The following LRRC4C variants were observed in gnomAD, a reference collection of about 807,000 sequenced individuals.
LRRC4C encodes leucine rich repeat containing 4C, also known as leucine-rich repeat-containing protein 4C.
A neutral mutation model predicts 33.6 loss-of-function variants in LRRC4C; 5 were observed. The ratio of observed to expected loss-of-function variants is 0.15; its 90% confidence interval spans 0.08 to 0.31. The LOEUF is 0.31. Ranked by LOEUF, LRRC4C falls within the 10% of genes least tolerant of loss-of-function variation. The pLI is 1.00. For missense variants in LRRC4C, 560 were observed against 796.7 expected (o/e 0.70, Z 3.58); for synonymous variants, 329 against 302.0 (o/e 1.09, Z -0.93).
intron 2 of LRRC4C, among the ~76,000 whole-genome samples, chr11:40,757,599 G>GTT (rs5791402): frequency 0.12 from 17,432 of 142,644 alleles, 1,385 homozygotes; most frequent in East Asian, 0.4. Context: ...CAAACTTTGA[G>GTT]TTTTTTTTTT....
chr11:41,176,879 T>A (rs1483292338), intron 1 of LRRC4C, among the ~76,000 whole-genome samples: 7 of 151,952 alleles, frequency 4.6e-5, no homozygotes, highest in Non-Finnish European at 8.8e-5. Flanking sequence ...GCAGAAGAAT[T>A]GCTTGAACCT....
chr11:41,304,673 G>C (rs1322735238), intron 1 of LRRC4C, among the ~76,000 whole-genome samples: 1 of 107,500 alleles, frequency 9.3e-6, no homozygotes, highest in African/African-American at 3.5e-5. Context: ...AGGGAGGTTG[G>C]GGGGTCAGCC....
At chr11:41,165,717 A>G (rs1944690552) in intron 1 of LRRC4C, among the ~76,000 whole-genome samples, 1 of 152,092 alleles carries the variant, frequency 6.6e-6, no homozygotes, top group African/African-American at 2.4e-5. Context: ...AGGAGAATGA[A>G]TATCTTCTAG....
intron 3 of LRRC4C, among the ~76,000 whole-genome samples, chr11:40,485,780 G>A (rs762623238): frequency 2.6e-5 from 4 of 152,000 alleles, no homozygotes; most frequent in Non-Finnish European, 4.4e-5. Context: ...ACTGGATAAA[G>A]AAAATGTGGT....
chr11:40,250,877 T>C (rs1161286061), intron 4 of LRRC4C, among the ~76,000 whole-genome samples: 1 of 152,224 alleles, frequency 6.6e-6, no homozygotes, highest in Non-Finnish European at 1.5e-5. Flanking sequence ...GATCTTCATA[T>C]GAACTTGTGA....
In LRRC4C at chr11:40,578,838, C is replaced by CTGTT. The variant is rs576931707; in HGVS notation, c.-270+69300_-270+69303dup. Among the ~76,000 whole-genome samples, 209 of 152,192 alleles carry CTGTT rather than the reference C, an allele frequency of 1.4e-3. 1 individual carries two copies. Among genetic ancestry groups the CTGTT allele is most frequent in the Middle Eastern group, 3.4e-3 (1 of 294 alleles). On this transcript the variant is annotated intron_variant, in intron 3 of 6. Transcript: ENST00000528697. ...CTTCAATGAGACCAAAGATTTGTGT[C>CTGTT]TGTTTATTTATTTTTTTATTGCAGA...
chr11:40,775,686 A>G (rs1949963041), intron 2 of LRRC4C, among the ~76,000 whole-genome samples: 1 of 152,166 alleles, frequency 6.6e-6, no homozygotes, highest in Admixed American at 6.5e-5. Flanking sequence ...CAAAATTATT[A>G]GCGTTTTTAA....
intron 3 of LRRC4C, among the ~76,000 whole-genome samples, chr11:40,536,258 ATC>A (rs1310957037): frequency 6.6e-6 from 1 of 151,706 alleles, no homozygotes; most frequent in Non-Finnish European, 1.5e-5. Flanking sequence ...CAGTGGTGTG[ATC>A]TCAGCTCACT....
At chr11:40,714,854 C>A (rs1268877744) in intron 2 of LRRC4C, among the ~76,000 whole-genome samples, 1 of 152,048 alleles carries the variant, frequency 6.6e-6, no homozygotes, top group African/African-American at 2.4e-5. Flanking sequence ...ATAGAAATTA[C>A]AGGAAAAATT....
intron 1 of LRRC4C, among the ~76,000 whole-genome samples, chr11:40,955,543 A>T (rs903346164): frequency 6.6e-6 from 1 of 151,840 alleles, no homozygotes; most frequent in Admixed American, 6.6e-5. Flanking sequence ...CATAATTACA[A>T]TCTAAAACTA....
At chr11:40,568,469 T>TTA (rs1301567359) in intron 3 of LRRC4C, among the ~76,000 whole-genome samples, 1 of 152,238 alleles carries the variant, frequency 6.6e-6, no homozygotes, top group Non-Finnish European at 1.5e-5. Context: ...TAAAATTTAT[T>TTA]TATGGTGTTG....
chr11:40,733,077 T>G (rs1947680715), intron 2 of LRRC4C, among the ~76,000 whole-genome samples: 1 of 126,724 alleles, frequency 7.9e-6, no homozygotes, highest in Non-Finnish European at 1.6e-5. Flanking sequence ...TTTTTTTTTT[T>G]TTTTTTTTTT....
intron 5 of LRRC4C, among the ~76,000 whole-genome samples, chr11:40,167,272 A>G (rs1859674257): frequency 6.6e-6 from 1 of 152,186 alleles, no homozygotes; most frequent in South Asian, 2.1e-4. Flanking sequence ...GTAACCTTGT[A>G]GCAGATGTAG....
intron 1 of LRRC4C, among the ~76,000 whole-genome samples, chr11:41,342,032 C>T (rs986375205): frequency 1.3e-5 from 2 of 151,450 alleles, no homozygotes; most frequent in Non-Finnish European, 3.0e-5. Context: ...CCCCTGGTTT[C>T]TCAAAGTCAC....
At chr11:40,268,968 G>A (rs898694454) in intron 4 of LRRC4C, among the ~76,000 whole-genome samples, 2 of 152,144 alleles carry the variant, frequency 1.3e-5, no homozygotes, top group African/African-American at 2.4e-5. Context: ...GTTTAAGGCC[G>A]TTTTGAATTC....
intron 4 of LRRC4C, among the ~76,000 whole-genome samples, chr11:40,318,794 T>C (rs1193299799): frequency 1.3e-5 from 2 of 152,206 alleles, no homozygotes; most frequent in Admixed American, 1.3e-4. Context: ...GTTTTTATTT[T>C]GTTTAAAAAT....
chr11:40,904,921 T>G (rs911722459), intron 2 of LRRC4C, among the ~76,000 whole-genome samples: 4 of 152,128 alleles, frequency 2.6e-5, no homozygotes, highest in African/African-American at 9.7e-5. Flanking sequence ...CAGTGAGACA[T>G]GATAAACCAC....
chr11:41,224,689 C>T (rs184527549), intron 1 of LRRC4C, among the ~76,000 whole-genome samples: 128 of 152,280 alleles, frequency 8.4e-4, no homozygotes, highest in South Asian at 2.5e-3. Context: ...GAAATGTCAA[C>T]GTACTCATTA....
chr11:40,415,611 T>C (rs1462666733), intron 3 of LRRC4C, among the ~76,000 whole-genome samples: 1 of 152,152 alleles, frequency 6.6e-6, no homozygotes, highest in Admixed American at 6.5e-5. Flanking sequence ...ACTTTGAATG[T>C]AGAAAAAGGG....
Sources: gnomAD v4.1 joint callset for allele counts (sites outside exome capture counted in the v4.1 genomes callset) on GRCh38, gnomAD v4.1.1 for gene constraint, MANE v1.5 for transcripts, NCBI Gene and HGNC (gene_info 2026-07-23, HGNC 2026-07-21) for gene names.